ATP13A1: variants seen among roughly 807,000 people sequenced by gnomAD.
The protein encoded by ATP13A1 is endoplasmic reticulum transmembrane helix translocase.
ATP13A1 carries 55 observed loss-of-function variants against 134.8 expected under a neutral mutation model. The ratio of observed to expected loss-of-function variants is 0.41; its 90% CI spans 0.33 to 0.51. The LOEUF (loss-of-function observed/expected upper bound fraction) is 0.51. Among genes scored for constraint, ATP13A1 ranks in the 20% least tolerant of loss-of-function variants. The pLI, the probability that ATP13A1 is intolerant of heterozygous loss-of-function variation, is 0.29. For missense variants in ATP13A1, 1,389 were observed against 1,652.8 expected (o/e 0.84, Z 2.77); for synonymous variants, 775 against 725.1 (o/e 1.07, Z -1.10).
At chr19:19,654,768 A>C (rs1312740830) in intron 12 of ATP13A1, 68 bp from the exon 13 acceptor site, 4 of 1,522,634 alleles carry the variant, frequency 2.6e-6, no homozygotes, top group Non-Finnish European at 3.5e-6. Context: ...CCCCACCAGC[A>C]GAAGGACCCC....
In ATP13A1 at chr19:19,654,629, G is replaced by A. The variant is rs1181105409; in HGVS notation, c.1727C>T (p.Ser576Leu). 2 of 1,613,654 alleles carry A rather than the reference G, an allele frequency of 1.2e-6. No homozygotes were observed. Among genetic ancestry groups the A allele is most frequent in the Non-Finnish European group, 8.5e-7 (1 of 1,179,866 alleles). The change falls in exon 13 of 26, where the codon TCG becomes TTG. Residue 576 changes from serine (S) to leucine (L), a missense_variant. Ser to Leu is a moderately radical substitution (Grantham distance 145). Transcript: ENST00000357324. ...ETHRALASCH[S>L]LMQLDDGTLV... ...GGTGCCGTCGTCCAGCTGCATGAGC[G>A]AGTGGCACGAGGCCAGGGCCCGGTG...
chr19:19,658,532 T>C lies in ATP13A1; in HGVS notation c.677+1069A>G, dbSNP rs77007904. 8.0e-4 allele frequency among the ~76,000 whole-genome samples: 122 copies of C among 152,298 alleles called. 1 individual carries two copies. The East Asian group carries it at 0.022, about 28-fold the overall frequency. On this transcript the variant is annotated intron_variant, in intron 3 of 25. Transcript: ENST00000357324. ...TAGATTGATAGTTGTAGTCAACATA[T>C]TTGTAATCTCTGAACAGTGATTAAG...
intron 1 of ATP13A1, among the ~76,000 whole-genome samples, chr19:19,662,823 T>A (rs2062102563): frequency 6.6e-6 from 1 of 152,190 alleles, no homozygotes; most frequent in African/African-American, 2.4e-5. Context: ...AAGAACCAAC[T>A]AAGCTTCATA....
chr19:19,657,307 G>A (rs372102686), intron 4 of ATP13A1, 29 bp downstream of exon 4: 24 of 1,553,802 alleles, frequency 1.5e-5, no homozygotes, highest in Non-Finnish European at 2.0e-5. Flanking sequence ...GGGAGGAAAT[G>A]GGGAGATGGG....
In ATP13A1 at chr19:19,655,067, T is replaced by C; in HGVS notation, c.1655+52A>G. 1 of 1,607,394 alleles carries C rather than the reference T, an allele frequency of 6.2e-7. No homozygotes were observed. The highest frequency in any genetic ancestry group is 8.5e-7 in the Non-Finnish European group (1 of 1,177,820). ...GTGGATGGGCCACCTGTCTCTCGAC[T>C]TCCCAGAAACCCCATCTGGGTGACC... On this transcript the variant is annotated intron_variant, in intron 12 of 25. Transcript: ENST00000357324. This position sits in a 1 kb window ranked among gnomAD's most constrained non-coding sequence, Gnocchi z 5.7.
At position 19,645,350 on chromosome 19, in the gene ATP13A1, C is replaced by A; in HGVS notation, c.*72G>T. The A allele has an allele frequency of 6.7e-7, 1 of 1,489,372 alleles. No homozygotes were observed. The highest frequency in any genetic ancestry group is 1.2e-5 in the South Asian group (1 of 81,794). The allele number at this position is 1,489,372 out of a possible 1,614,324, so 92.3% of individuals were successfully genotyped here. A position where few individuals can be genotyped will look rare whatever the true frequency, so the allele number is the denominator to read the frequency against. On this transcript the variant is annotated 3_prime_UTR_variant, in exon 26 of 26. Transcript: ENST00000357324. This position sits in a 1 kb window ranked among gnomAD's most constrained non-coding sequence, Gnocchi z 4.1. ...GCTGTGGGGGGTTGGGGGCAGGGTT[C>A]CCTCCCGGGGCCCTGTTGGGGTTCC... is the stretch of plus-strand genomic sequence containing the variant.
chr19:19,655,122 A>C lies in ATP13A1; in HGVS notation c.1652T>G (p.Leu551Arg), dbSNP rs1295334690. The change falls in exon 12 of 26, where the codon CTG (leucine) becomes CGG (arginine). Residue 551 changes from leucine (L) to arginine (R), a missense_variant. Physicochemically the swap from Leu to Arg is moderately radical, Grantham distance 102 (BLOSUM62 -2). Coordinates refer to ENST00000357324, the MANE Select transcript of ATP13A1 (RefSeq NM_020410.3). This position sits in a 1 kb window ranked among gnomAD's most constrained non-coding sequence, Gnocchi z 5.7. ...CTGCAGGGCCCCTGATGCTTACCTCAGCCCGGCCACACCGCGCACCACCAG... is the reference window on the plus strand; with the variant it reads ...CTGCAGGGCCCCTGATGCTTACCTCCGCCCGGCCACACCGCGCACCACCAG... ...DSLVVRGVAG[L>R]RDGKEVTPVS... is the part of the protein sequence containing the mutation. The C allele has an allele frequency of 1.2e-6, 2 of 1,613,828 alleles. No individual in the cohort carries two copies. The highest frequency in any genetic ancestry group is 1.7e-6 in the Non-Finnish European group (2 of 1,179,856).
In ATP13A1 at chr19:19,656,333, C is replaced by T. The variant is rs2062057981; in HGVS notation, c.1084-150G>A. The stretch of plus-strand genomic sequence containing the variant: ...CCCACCCAGCTCCCAGATCCTCACC[C>T]TCACCCCGTCCTGTCTTCTCCCCAT... On this transcript the variant is annotated intron_variant, in intron 7 of 25. Transcript: ENST00000357324. This position sits in a 1 kb window ranked among gnomAD's most constrained non-coding sequence, Gnocchi z 4.6. The T allele has an allele frequency of 2.6e-6, 3 of 1,154,738 alleles. No homozygotes were observed. Among genetic ancestry groups the T allele is most frequent in the South Asian group, 1.5e-5 (1 of 64,862 alleles). 71.5% of individuals were successfully genotyped at this position (1,154,738 alleles called of 1,614,324 possible).
intron 1 of ATP13A1, 131 bp downstream of exon 1, chr19:19,663,140 G>A (rs867559249): frequency 3.0e-6 from 4 of 1,318,114 alleles, no homozygotes; most frequent in South Asian, 1.3e-5. Flanking sequence ...AAGTGTAGAG[G>A]GTGCCCCTGG....
At position 19,655,247 on chromosome 19, in the gene ATP13A1, C is replaced by A; in HGVS notation, c.1535-8G>T. The A allele has an allele frequency of 1.2e-6, 2 of 1,613,936 alleles. No individual in the cohort carries two copies. The highest frequency in any genetic ancestry group is 1.7e-6 in the Non-Finnish European group (2 of 1,179,872). ...GCTCTGTGCAGTACATGTCTAGGGG[C>A]GGGAGTGAGGTCAGGGGTCCTGCTT... On this transcript the variant is annotated splice_region_variant and splice_polypyrimidine_tract_variant and intron_variant, in intron 11 of 25. Coordinates refer to ENST00000357324, the MANE Select transcript of ATP13A1 (RefSeq NM_020410.3). This position sits in a 1 kb window ranked among gnomAD's most constrained non-coding sequence, Gnocchi z 5.7.
intron 12 of ATP13A1, 25 bp from the exon 13 acceptor site, chr19:19,654,725 T>C: frequency 6.2e-7 from 1 of 1,601,094 alleles, no homozygotes; most frequent in Non-Finnish European, 8.5e-7. Flanking sequence ...AACAGCTGGT[T>C]ACAGAGTGCA....
Position 19,651,729 on chromosome 19 carries a change from T to G in ATP13A1, c.2295A>C (p.Glu765Asp). 1.2e-6 allele frequency: 2 copies of G among 1,613,328 alleles called. No homozygotes were observed. The highest frequency in any genetic ancestry group is 4.5e-5 in the East Asian group (2 of 44,816). ...CHVAQELHFI[E>D]KAHTLILQPP... Reference sequence around the variant, plus strand: ...GCTGCAGGATCAGCGTGTGGGCCTTTTCAATGAAGTGCAGCTCCTGGGCCA... The same window carrying G: ...GCTGCAGGATCAGCGTGTGGGCCTTGTCAATGAAGTGCAGCTCCTGGGCCA... The change falls in exon 17 of 26, where the codon GAA becomes GAC. Residue 765 changes from glutamate (E) to aspartate (D), a missense_variant. Transcript: ENST00000357324.
At position 19,663,441 on chromosome 19, in the gene ATP13A1, G is replaced by T; in HGVS notation, c.226C>A (p.Pro76Thr). The T allele has an allele frequency of 1.3e-6, 2 of 1,561,622 alleles. No individual in the cohort carries two copies. The highest frequency in any genetic ancestry group is 1.7e-6 in the Non-Finnish European group (2 of 1,156,676). The change falls in exon 1 of 26, where the codon CCG becomes ACG. Residue 76 changes from proline to threonine, a missense_variant. Physicochemically the swap from Pro to Thr is conservative, Grantham distance 38. Coordinates refer to ENST00000357324, the MANE Select transcript of ATP13A1 (RefSeq NM_020410.3). ...TVLPFAGLLYPAWLGAAAAGC... is the reference protein window; with the variant it reads ...TVLPFAGLLYTAWLGAAAAGC... The stretch of plus-strand genomic sequence containing the variant: ...GCGGCTGCGGCACCCAACCAGGCCG[G>T]GTAAAGCAGCCCGGCGAATGGCAGC...
At chr19:19,648,949 C>T (rs758343914) in intron 19 of ATP13A1, among the ~76,000 whole-genome samples, 1 of 151,742 alleles carries the variant, frequency 6.6e-6, no homozygotes, top group Non-Finnish European at 1.5e-5. Flanking sequence ...TGGTGAAACC[C>T]CATCTCTACT....
rs756871189 is a variant in ATP13A1, at chr19:19,645,449, C to T, written c.3588G>A (p.Gly1196=). 3.1e-5 allele frequency: 49 copies of T among 1,605,294 alleles called. No individual in the cohort carries two copies. Among genetic ancestry groups the T allele is most frequent in the Middle Eastern group, 1.8e-4 (1 of 5,538 alleles). ...AGGAAGGCACTTTCAGCTTCGGGGT[C>T]CCCAGGAAGAACTGCAGGACGCGGT... ...LADRVLQFFL[G]TPKLKVPS The change falls in exon 26 of 26, where the codon GGG becomes GGA. Residue 1196 remains glycine (G), a synonymous_variant. Transcript: ENST00000357324. The surrounding 1 kb of genome is among the most constrained non-coding windows in gnomAD (Gnocchi z 4.1).
chr19:19,663,243 G>C (rs765690449), intron 1 of ATP13A1, 28 bp downstream of exon 1: 2 of 1,563,708 alleles, frequency 1.3e-6, no homozygotes, highest in East Asian at 4.8e-5. Flanking sequence ...GACCGTGCTG[G>C]GGGTCGGGCT....
chr19:19,654,176 C>T, intron 13 of ATP13A1, 32 bp from the exon 14 acceptor site: 1 of 1,554,806 alleles, frequency 6.4e-7, no homozygotes, highest in Non-Finnish European at 8.7e-7. Context: ...TCCTGAGGGG[C>T]TTTGCTCCAA....
At chr19:19,649,457 G>C (rs1229626423) in intron 19 of ATP13A1, 110 bp downstream of exon 19, 2 of 1,158,802 alleles carry the variant, frequency 1.7e-6, no homozygotes, top group Non-Finnish European at 2.5e-6. Context: ...ATCCTCACAG[G>C]AATTAGTGCC....
At position 19,652,450 on chromosome 19, in the gene ATP13A1, A is replaced by C. The variant is rs1458970698; in HGVS notation, c.2226+145T>G. ...CCCAGAGTGTCCTTGGGCCAGTGGC[A>C]ATGTTAGCACCTGAGCTATGATCTT... is the stretch of plus-strand genomic sequence containing the variant. On this transcript the variant is annotated intron_variant, in intron 16 of 25. Coordinates refer to ENST00000357324, the MANE Select transcript of ATP13A1 (RefSeq NM_020410.3). The C allele has an allele frequency of 2.4e-6, 3 of 1,244,046 alleles. No homozygotes were observed. The African/African-American group carries it at 4.5e-5, about 19-fold the overall frequency. The allele number at this position is 1,244,046 out of a possible 1,614,324, so 77.1% of individuals were successfully genotyped here. A position where few individuals can be genotyped will look rare whatever the true frequency, so the allele number is the denominator to read the frequency against.
Sources: gnomAD v4.1 joint callset for allele counts (sites outside exome capture counted in the v4.1 genomes callset) on GRCh38, gnomAD v4.1.1 for gene constraint, Gnocchi (gnomAD v3.1) non-coding constraint, MANE v1.5 for transcripts, NCBI Gene and HGNC (gene_info 2026-07-23, HGNC 2026-07-21) for gene names.